The following USH2A variants were observed in gnomAD, a reference collection of about 807,000 sequenced individuals.
The protein encoded by USH2A is usherin.
In USH2A, 443 loss-of-function variants were observed where a neutral mutation model predicts 538.9. That is an observed-to-expected ratio of 0.82 (90% CI 0.76 to 0.89). The LOEUF is 0.89. Among genes scored for constraint, USH2A ranks in the 40% least tolerant of loss-of-function variants. The pLI, the probability that USH2A is intolerant of heterozygous loss-of-function variation, is 0.00. For synonymous variants in USH2A, 2,413 were observed against 2,273.5 expected (o/e 1.06, Z -1.75); for missense variants, 6,633 against 6,324.8 (o/e 1.05, Z -1.65).
chr1:216,251,080 A>G lies in USH2A; in HGVS notation c.1990T>C (p.Cys664Arg). 2 of 1,614,060 alleles carry G rather than the reference A, an allele frequency of 1.2e-6. No homozygotes were observed. Among genetic ancestry groups the G allele is most frequent in the South Asian group, 2.2e-5 (2 of 91,086 alleles). ...TGCCTGCCAGACACGTGTCTCTTAC[A>G]ATTACACTGTCCTCCAATCTAGAGA... ...LCDQIGGQCN[C>R]KRHVSGRQCN... The change falls in exon 12 of 72, where the codon TGT (cysteine) becomes CGT (arginine). Residue 664 changes from cysteine to arginine, a missense_variant. Transcript: ENST00000307340.
At chr1:216,230,874 TCA>T (rs1313860853) in intron 14 of USH2A, among the ~76,000 whole-genome samples, 1,326 of 24,356 alleles carry the variant, frequency 0.054, 13 homozygotes, top group Admixed American at 0.13. Context: ...GCTCATAATC[TCA>T]CTCTCTCTCT....
At chr1:216,382,570 A>G (rs1048228385) in intron 3 of USH2A, among the ~76,000 whole-genome samples, 7 of 152,204 alleles carry the variant, frequency 4.6e-5, no homozygotes, top group Non-Finnish European at 1.0e-4. Context: ...TGAATTTTGA[A>G]AGCTCACTGA....
chr1:215,756,615 T>A (rs1224773086), intron 58 of USH2A, among the ~76,000 whole-genome samples: 1 of 152,092 alleles, frequency 6.6e-6, no homozygotes, highest in African/African-American at 2.4e-5. Context: ...ACAATAAAAA[T>A]GCCAAGGAGA....
At chr1:215,718,567 T>C (rs1265214681) in intron 61 of USH2A, among the ~76,000 whole-genome samples, 1 of 152,212 alleles carries the variant, frequency 6.6e-6, no homozygotes, top group African/African-American at 2.4e-5. Flanking sequence ...ATTCCCTCTC[T>C]ATTTAGTAGG....
chr1:215,947,320 A>T lies in USH2A; in HGVS notation c.7121-12525T>A, dbSNP rs1666783882. 2.0e-5 allele frequency among the ~76,000 whole-genome samples: 3 copies of T among 152,182 alleles called. No individual in the cohort carries two copies. The South Asian group carries it at 6.2e-4, about 32-fold the overall frequency. ...CAGCCTCCCAAAATGCTGGGATCAC[A>T]GGTGTAAGCCACCGCACCAAGCCCT... On this transcript the variant is annotated intron_variant, in intron 37 of 71. Coordinates refer to ENST00000307340, the MANE Select transcript of USH2A (RefSeq NM_206933.4).
chr1:215,734,472 G>A (rs1007347096), intron 60 of USH2A, among the ~76,000 whole-genome samples: 1 of 152,128 alleles, frequency 6.6e-6, no homozygotes, highest in African/African-American at 2.4e-5. Flanking sequence ...AGTGATGCTA[G>A]TCTCTCTTGA....
intron 35 of USH2A, among the ~76,000 whole-genome samples, chr1:215,986,819 A>G (rs977709687): frequency 2.0e-5 from 3 of 152,186 alleles, no homozygotes; most frequent in African/African-American, 4.8e-5. Context: ...TCATCGGTAA[A>G]TATTAATTCA....
intron 11 of USH2A, among the ~76,000 whole-genome samples, chr1:216,281,863 C>CTTT (rs1380482908): frequency 1.3e-5 from 1 of 78,948 alleles, no homozygotes; most frequent in African/African-American, 4.2e-5. Context: ...TTGTTTTTGT[C>CTTT]TGTTTTTTTT....
At chr1:215,731,677 A>C (rs1237793213) in intron 60 of USH2A, among the ~76,000 whole-genome samples, 1 of 152,230 alleles carries the variant, frequency 6.6e-6, no homozygotes, top group Non-Finnish European at 1.5e-5. Context: ...GTCTCAATGT[A>C]CAATGCTTTT....
intron 60 of USH2A, among the ~76,000 whole-genome samples, chr1:215,739,867 TAA>T (rs1455216594): frequency 3.3e-5 from 5 of 152,190 alleles, no homozygotes; most frequent in African/African-American, 9.7e-5. Context: ...TAAGTTTCAC[TAA>T]GTTTCCAGGG....
intron 50 of USH2A, among the ~76,000 whole-genome samples, chr1:215,790,770 T>C (rs1661959869): frequency 6.6e-6 from 1 of 152,212 alleles, no homozygotes; most frequent in African/African-American, 2.4e-5. Flanking sequence ...AGTGCAAGTT[T>C]TGGCTTAGCT....
intron 4 of USH2A, among the ~76,000 whole-genome samples, chr1:216,347,472 T>C (rs1032910759): frequency 6.6e-6 from 1 of 152,120 alleles, no homozygotes. Context: ...ATTAATCTCT[T>C]AGCTATTAGG....
chr1:216,376,650 A>G (rs1270382804), intron 3 of USH2A, among the ~76,000 whole-genome samples: 1 of 152,212 alleles, frequency 6.6e-6, no homozygotes, highest in Non-Finnish European at 1.5e-5. Flanking sequence ...AAATAATGAA[A>G]ATAGTGGTCA....
rs146283199 is a variant in USH2A, at chr1:215,676,824, C to A, written c.12295-1208G>T. Among the ~76,000 whole-genome samples, 232 of 152,258 alleles carry A rather than the reference C, an allele frequency of 1.5e-3. 5 individuals carry two copies. In the East Asian group the frequency reaches 0.038, roughly 25 times the overall value. ...TGCCCCTGATATTCACCCGGCAAATCTCTAATTAGTGTAAAATTTAGCTGT... is the reference window on the plus strand; with the variant it reads ...TGCCCCTGATATTCACCCGGCAAATATCTAATTAGTGTAAAATTTAGCTGT... On this transcript the variant is annotated intron_variant, in intron 62 of 71. Coordinates refer to ENST00000307340, the MANE Select transcript of USH2A (RefSeq NM_206933.4).
At chr1:215,828,399 G>A (rs1261318782) in intron 47 of USH2A, among the ~76,000 whole-genome samples, 1 of 152,124 alleles carries the variant, frequency 6.6e-6, no homozygotes, top group Non-Finnish European at 1.5e-5. Flanking sequence ...AGGCTGCAGT[G>A]AGCTGCACTC....
intron 47 of USH2A, among the ~76,000 whole-genome samples, chr1:215,837,617 T>A (rs1663568372): frequency 6.6e-6 from 1 of 152,176 alleles, no homozygotes. Context: ...TAGGGCACTC[T>A]GATGTATATA....
intron 32 of USH2A, among the ~76,000 whole-genome samples, chr1:216,018,682 T>G (rs1158532453): frequency 6.6e-6 from 1 of 152,176 alleles, no homozygotes; most frequent in Non-Finnish European, 1.5e-5. Context: ...AATTGCCAAT[T>G]TTCATTCACA....
intron 3 of USH2A, among the ~76,000 whole-genome samples, chr1:216,389,861 T>C (rs1204774669): frequency 6.6e-6 from 1 of 152,180 alleles, no homozygotes; most frequent in Non-Finnish European, 1.5e-5. Flanking sequence ...ATCTAGTTTT[T>C]ATTTTAAAAT....
intron 32 of USH2A, among the ~76,000 whole-genome samples, chr1:216,010,994 A>C (rs1435061794): frequency 6.6e-6 from 1 of 151,592 alleles, no homozygotes; most frequent in Non-Finnish European, 1.5e-5. Context: ...CCAATATCCC[A>C]CCTCACAGCA....
Sources: gnomAD v4.1 joint callset for allele counts (sites outside exome capture counted in the v4.1 genomes callset) on GRCh38, gnomAD v4.1.1 for gene constraint, MANE v1.5 for transcripts, NCBI Gene and HGNC (gene_info 2026-07-23, HGNC 2026-07-21) for gene names.